Variants in ENOX1 observed in about 807,000 individuals in gnomAD.
ENOX1 encodes candidate growth-related and time keeping constitutive hydroquinone (NADH) oxidase.
In ENOX1, 42 loss-of-function variants were observed where a neutral mutation model predicts 82.5. The ratio of observed to expected loss-of-function variants is 0.51; its 90% CI spans 0.40 to 0.66. ENOX1 has a LOEUF of 0.66. Among genes scored for constraint, ENOX1 ranks in the 30% least tolerant of loss-of-function variants. The pLI, the probability that ENOX1 is intolerant of heterozygous loss-of-function variation, is 0.00. For synonymous variants in ENOX1, 271 were observed against 282.2 expected, an observed-to-expected ratio of 0.96 and a Z score of 0.40; for missense variants, 608 against 811.6, an observed-to-expected ratio of 0.75 and a Z score of 3.05.
At chr13:43,218,888 T>C (rs1032013643) in intron 16 of ENOX1, among the ~76,000 whole-genome samples, 10 of 152,186 alleles carry the variant, frequency 6.6e-5, no homozygotes, top group African/African-American at 1.9e-4. Context: ...TATAAATACT[T>C]CCACTTACTT....
At chr13:43,533,123 C>G (rs1368796451) in intron 2 of ENOX1, among the ~76,000 whole-genome samples, 1 of 152,044 alleles carries the variant, frequency 6.6e-6, no homozygotes, top group South Asian at 2.1e-4. Context: ...TTCTTGAAAA[C>G]GAGGACTACT....
chr13:43,237,419 C>T (rs1318563861), intron 14 of ENOX1, among the ~76,000 whole-genome samples: 1 of 152,122 alleles, frequency 6.6e-6, no homozygotes, highest in East Asian at 1.9e-4. Flanking sequence ...GATATTAGGA[C>T]TCAAAATGGA....
At chr13:43,618,691 T>C (rs1347041302) in intron 2 of ENOX1, among the ~76,000 whole-genome samples, 1 of 152,164 alleles carries the variant, frequency 6.6e-6, no homozygotes, top group Non-Finnish European at 1.5e-5. Flanking sequence ...TTTGTTCTTT[T>C]TGCTTAGTCT....
At chr13:43,317,943 C>T (rs902438826) in intron 11 of ENOX1, among the ~76,000 whole-genome samples, 5 of 151,416 alleles carry the variant, frequency 3.3e-5, no homozygotes, top group East Asian at 1.9e-4. Context: ...AGGCAGAGCT[C>T]GCAGTGAGCC....
chr13:43,286,003 C>A (rs1300148906), intron 12 of ENOX1, among the ~76,000 whole-genome samples: 2 of 152,006 alleles, frequency 1.3e-5, no homozygotes, highest in Non-Finnish European at 2.9e-5. Flanking sequence ...AGAGGAAAGC[C>A]CTGGAGCATG....
Position 43,361,449 on chromosome 13 carries a change from G to T in ENOX1, c.212C>A (p.Ser71Ter). Residue 71 changes from serine to a stop codon, truncating the protein, a stop_gained, in exon 6 of 17, where the codon TCA becomes TAA. Transcript: ENST00000690772. LOFTEE classifies it high-confidence loss of function. ...TGGATCAAAGCCTGGGACACAGATT[G>T]AGTCTGTAAAGTATACAAGATAACA... ...GLPGQQLVSD[S>*]ICVPGFDPSL... 1 of 1,610,118 alleles carries T rather than the reference G, an allele frequency of 6.2e-7. No individual in the cohort carries two copies.
At chr13:43,464,500 C>T (rs940844891) in intron 3 of ENOX1, among the ~76,000 whole-genome samples, 3 of 152,126 alleles carry the variant, frequency 2.0e-5, no homozygotes, top group Admixed American at 6.5e-5. Context: ...GACTCAGGCC[C>T]TGTACCTCTA....
intron 3 of ENOX1, chr13:43,459,357 A>C (rs776528240): frequency 2.0e-5 from 3 of 152,210 alleles, no homozygotes; most frequent in Non-Finnish European, 4.4e-5. Flanking sequence ...ATCAAAACAG[A>C]AAATAACAGA....
intron 16 of ENOX1, among the ~76,000 whole-genome samples, chr13:43,221,733 C>T (rs181156369): frequency 7.9e-5 from 12 of 152,244 alleles, no homozygotes; most frequent in Admixed American, 1.3e-4. Context: ...TGTACATGCC[C>T]GGCATAATTT....
chr13:43,766,835 A>T (rs1054807697), intron 1 of ENOX1, among the ~76,000 whole-genome samples: 7 of 152,216 alleles, frequency 4.6e-5, no homozygotes, highest in African/African-American at 1.7e-4. Context: ...AAGGATGAAA[A>T]GGATATCCCA....
chr13:43,574,806 T>C (rs1053370829), intron 2 of ENOX1, among the ~76,000 whole-genome samples: 17 of 152,180 alleles, frequency 1.1e-4, no homozygotes, highest in African/African-American at 4.1e-4. Context: ...CTAGACTCTC[T>C]GTGTGGATAT....
intron 1 of ENOX1, among the ~76,000 whole-genome samples, chr13:43,668,752 C>A (rs2085110335): frequency 1.3e-5 from 2 of 152,196 alleles, no homozygotes; most frequent in Non-Finnish European, 2.9e-5. Context: ...CTGGTACACA[C>A]TTAGAAAGTA....
intron 10 of ENOX1, among the ~76,000 whole-genome samples, chr13:43,325,507 C>T (rs2048060196): frequency 1.3e-5 from 2 of 152,136 alleles, no homozygotes; most frequent in Admixed American, 6.6e-5. Flanking sequence ...TGATTGATAT[C>T]ATAGTACTTT....
At chr13:43,263,334 T>C (rs2044186867) in intron 14 of ENOX1, among the ~76,000 whole-genome samples, 1 of 152,100 alleles carries the variant, frequency 6.6e-6, no homozygotes, top group South Asian at 2.1e-4. Context: ...CCCCACCCCC[T>C]AGGTCAAGGT....
rs79415501 is a variant in ENOX1, at chr13:43,385,651, T to A, written c.209-24199A>T. ...TTATTTACATGAGAAAATTTTGCCATTTTTTCTTCACTGGTAAGAAAAAAT... is the reference window on the plus strand; with the variant it reads ...TTATTTACATGAGAAAATTTTGCCAATTTTTCTTCACTGGTAAGAAAAAAT... On this transcript the variant is annotated intron_variant, in intron 5 of 16. Coordinates refer to ENST00000690772, the MANE Select transcript of ENOX1 (RefSeq NM_001347969.2). 8.5e-3 allele frequency among the ~76,000 whole-genome samples: 1,295 copies of A among 152,290 alleles called. 17 individuals carry two copies. Among genetic ancestry groups the A allele is most frequent in the African/African-American group, 0.03 (1,237 of 41,576 alleles).
chr13:43,681,255 G>A (rs2085768705), intron 1 of ENOX1, among the ~76,000 whole-genome samples: 1 of 152,148 alleles, frequency 6.6e-6, no homozygotes, highest in Non-Finnish European at 1.5e-5. Flanking sequence ...GGCTTTAGAA[G>A]TCACCACCTA....
intron 2 of ENOX1, among the ~76,000 whole-genome samples, chr13:43,636,932 A>C (rs1213982687): frequency 6.6e-6 from 1 of 152,200 alleles, no homozygotes; most frequent in Admixed American, 6.5e-5. Flanking sequence ...CATGAATGAA[A>C]GGTTTGGAAC....
intron 2 of ENOX1, among the ~76,000 whole-genome samples, chr13:43,630,860 T>TATATATATAC (rs34023929): frequency 5.4e-5 from 8 of 147,798 alleles, no homozygotes; most frequent in African/African-American, 1.0e-4. Context: ...TATATATATA[T>TATATATATAC]ACACACACAC....
intron 12 of ENOX1, among the ~76,000 whole-genome samples, chr13:43,296,135 G>A (rs2046274324): frequency 6.6e-6 from 1 of 152,148 alleles, no homozygotes. Context: ...TGTCTGTTAT[G>A]GATTGAATTG....
Sources: allele counts gnomAD v4.1 joint callset (sites outside exome capture counted in the v4.1 genomes callset), GRCh38; gene constraint gnomAD v4.1.1; transcripts MANE v1.5; gene names NCBI Gene and HGNC (gene_info 2026-07-23, HGNC 2026-07-21).